FARS2: variants seen among roughly 807,000 people sequenced by gnomAD.
The protein encoded by FARS2 is phenylalanine--tRNA ligase, mitochondrial.
FARS2 carries 40 observed loss-of-function variants against 46.4 expected under a neutral mutation model. That is an observed-to-expected ratio of 0.86 (90% CI 0.67 to 1.12). FARS2 has a LOEUF of 1.12. FARS2 is among the 50% of genes most tolerant of loss of function. The probability of loss-of-function intolerance (pLI) is 0.00; values close to 1 mark genes in which losing one functional copy is unlikely to be tolerated. For synonymous variants in FARS2, 234 were observed against 214.9 expected, an observed-to-expected ratio of 1.09 and a Z score of -0.78; for missense variants, 513 against 567.9, an observed-to-expected ratio of 0.90 and a Z score of 0.98.
chr6:5,354,545 A>T (rs1349858800), intron 1 of FARS2, among the ~76,000 whole-genome samples: 3 of 143,854 alleles, frequency 2.1e-5, no homozygotes, highest in African/African-American at 7.8e-5. Flanking sequence ...ATGGAGTCTC[A>T]CTCTGTTGCC....
At chr6:5,590,171 G>A (rs1162622046) in intron 5 of FARS2, among the ~76,000 whole-genome samples, 4 of 152,224 alleles carry the variant, frequency 2.6e-5, no homozygotes, top group Non-Finnish European at 5.9e-5. Flanking sequence ...CTACTGGACT[G>A]GATCTCAGTG....
chr6:5,477,515 G>C (rs924107931), intron 4 of FARS2, among the ~76,000 whole-genome samples: 1 of 152,104 alleles, frequency 6.6e-6, no homozygotes, highest in Non-Finnish European at 1.5e-5. Flanking sequence ...GTCTCACTGC[G>C]GCATCTCCAG....
At chr6:5,383,164 C>T (rs1221838493) in intron 2 of FARS2, among the ~76,000 whole-genome samples, 1 of 152,262 alleles carries the variant, frequency 6.6e-6, no homozygotes, top group African/African-American at 2.4e-5. Flanking sequence ...CATGGTGAAA[C>T]ACTGAGAGTC....
intron 4 of FARS2, chr6:5,431,928 C>G (rs974913371): frequency 5.4e-6 from 1 of 185,782 alleles, no homozygotes; most frequent in African/African-American, 2.3e-5. Flanking sequence ...TTTTAAGTCA[C>G]TATCTGAATT....
chr6:5,373,505 A>G (rs1759186818), intron 2 of FARS2, among the ~76,000 whole-genome samples: 1 of 152,166 alleles, frequency 6.6e-6, no homozygotes, highest in Non-Finnish European at 1.5e-5. Context: ...TAGCAGGTCT[A>G]CTGGAGGTGT....
chr6:5,446,026 C>T (rs1350418398), intron 4 of FARS2, among the ~76,000 whole-genome samples: 4 of 151,956 alleles, frequency 2.6e-5, no homozygotes, highest in Non-Finnish European at 4.4e-5. Context: ...GGTGAAACCC[C>T]GTCTCTACTA....
At chr6:5,342,036 T>G (rs771217281) in intron 1 of FARS2, among the ~76,000 whole-genome samples, 6 of 152,178 alleles carry the variant, frequency 3.9e-5, no homozygotes, top group Non-Finnish European at 8.8e-5. Context: ...GGAAAGCATC[T>G]TAAAGATCAT....
At chr6:5,456,131 C>T (rs1306439461) in intron 4 of FARS2, among the ~76,000 whole-genome samples, 5 of 152,068 alleles carry the variant, frequency 3.3e-5, no homozygotes, top group Non-Finnish European at 4.4e-5. Context: ...AGGAGGATTG[C>T]TTGAGCCTGG....
At chr6:5,354,646 T>C (rs891894801) in intron 1 of FARS2, among the ~76,000 whole-genome samples, 1 of 152,002 alleles carries the variant, frequency 6.6e-6, no homozygotes, top group Non-Finnish European at 1.5e-5. Context: ...CCCGAGTAGC[T>C]GGGACTACAG....
At chr6:5,748,849 T>G (rs1178332205) in intron 6 of FARS2, among the ~76,000 whole-genome samples, 1 of 152,248 alleles carries the variant, frequency 6.6e-6, no homozygotes, top group Non-Finnish European at 1.5e-5. Context: ...AGCCTGCAAC[T>G]GTAAAAGATT....
At chr6:5,419,673 T>A (rs1762435609) in intron 3 of FARS2, among the ~76,000 whole-genome samples, 1 of 152,158 alleles carries the variant, frequency 6.6e-6, no homozygotes, top group Admixed American at 6.5e-5. Flanking sequence ...GCCTATGGCT[T>A]GGATCCCTAA....
At chr6:5,707,423 G>A (rs1227772452) in intron 6 of FARS2, among the ~76,000 whole-genome samples, 1 of 152,206 alleles carries the variant, frequency 6.6e-6, no homozygotes, top group African/African-American at 2.4e-5. Flanking sequence ...TGGCCTAAGG[G>A]GAGGCGTAGA....
intron 6 of FARS2, among the ~76,000 whole-genome samples, chr6:5,769,543 G>C (rs1304810141): frequency 6.6e-6 from 1 of 152,222 alleles, no homozygotes; most frequent in African/African-American, 2.4e-5. Context: ...GGGCAGCAGT[G>C]CCTCCCCCAG....
chr6:5,322,496 T>C (rs1015194715), intron 1 of FARS2, among the ~76,000 whole-genome samples: 2 of 152,184 alleles, frequency 1.3e-5, no homozygotes, highest in African/African-American at 2.4e-5. Flanking sequence ...ATTGTTTCCA[T>C]TGGCTGAATT....
chr6:5,267,646 C>T (rs1275500588), intron 1 of FARS2, among the ~76,000 whole-genome samples: 2 of 150,900 alleles, frequency 1.3e-5, no homozygotes, highest in African/African-American at 4.9e-5. Context: ...CCCAGCTACT[C>T]GAGAGGCTGA....
chr6:5,406,545 T>C (rs142725154), intron 3 of FARS2, among the ~76,000 whole-genome samples: 3 of 152,192 alleles, frequency 2.0e-5, no homozygotes, highest in African/African-American at 4.8e-5. Context: ...TGTGCTCTTT[T>C]TTGTCTGGCT....
intron 5 of FARS2, among the ~76,000 whole-genome samples, chr6:5,592,605 TTATTGGATTTATCTAG>T (rs1414733667): frequency 4.0e-4 from 61 of 152,136 alleles, no homozygotes; most frequent in Non-Finnish European, 1.9e-4. Flanking sequence ...CTTTCTTTGT[TTATTGGATTTATCTAG>T]TGCCTTTGCT....
chr6:5,413,379 TAATG>T (rs1380101990), intron 3 of FARS2, among the ~76,000 whole-genome samples: 1 of 147,802 alleles, frequency 6.8e-6, no homozygotes, highest in East Asian at 1.9e-4. Flanking sequence ...AGGGCTGCTG[TAATG>T]AAAACCATCA....
chr6:5,392,713 C>G (rs1056225787), intron 2 of FARS2, among the ~76,000 whole-genome samples: 2 of 149,130 alleles, frequency 1.3e-5, no homozygotes, highest in African/African-American at 2.5e-5. Flanking sequence ...TAGCAAAACA[C>G]TTGCTCTAAA....
Sources: gnomAD v4.1 joint callset for allele counts (sites outside exome capture counted in the v4.1 genomes callset) on GRCh38, gnomAD v4.1.1 for gene constraint, MANE v1.5 for transcripts, NCBI Gene and HGNC (gene_info 2026-07-23, HGNC 2026-07-21) for gene names.